Variants in ZNF536 observed in about 807,000 individuals in gnomAD.
ZNF536 encodes the protein zinc finger protein 536.
In ZNF536, 13 loss-of-function variants were observed where a neutral mutation model predicts 84.5. The ratio of observed to expected loss-of-function variants is 0.15; its 90% confidence interval spans 0.10 to 0.24. ZNF536 has a LOEUF of 0.24. ZNF536 is among the 10% of genes least tolerant of loss of function. The probability of loss-of-function intolerance (pLI) is 1.00; values close to 1 mark genes in which losing one functional copy is unlikely to be tolerated. For synonymous variants in ZNF536, 811 were observed against 742.5 expected (o/e 1.09, Z -1.50); for missense variants, 1,536 against 1,747.5 (o/e 0.88, Z 2.16).
intron 1 of ZNF536, among the ~76,000 whole-genome samples, chr19:30,383,760 T>G: frequency 1.6e-4 from 1 of 6,384 alleles, no homozygotes; most frequent in South Asian, 2.3e-3. Context: ...TTTCTTTCTC[T>G]TTCTTTCTTT....
chr19:30,274,988 T>C (rs905967213), intron 1 of ZNF536, among the ~76,000 whole-genome samples: 4 of 152,222 alleles, frequency 2.6e-5, no homozygotes, highest in African/African-American at 7.2e-5. Flanking sequence ...TCTGGATTTT[T>C]CCCCCGTTTG....
chr19:30,335,264 C>A (rs947273925), intron 2 of ZNF536, among the ~76,000 whole-genome samples: 1 of 152,146 alleles, frequency 6.6e-6, no homozygotes, highest in Non-Finnish European at 1.5e-5. Flanking sequence ...CCTCTCGGAA[C>A]CTTAGTTTCC....
chr19:30,505,627 C>T (rs1388079302), intron 2 of ZNF536, among the ~76,000 whole-genome samples: 1 of 151,996 alleles, frequency 6.6e-6, no homozygotes, highest in African/African-American at 2.4e-5. Flanking sequence ...AACTATGACT[C>T]CTTTACTGTG....
chr19:30,348,967 C>T (rs773893657), intron 2 of ZNF536, among the ~76,000 whole-genome samples: 14 of 152,190 alleles, frequency 9.2e-5, no homozygotes, highest in East Asian at 1.9e-4. Flanking sequence ...TCCTGGCAAT[C>T]GTAATAATCT....
At chr19:30,387,141 G>T (rs1231905310) in intron 1 of ZNF536, among the ~76,000 whole-genome samples, 1 of 152,200 alleles carries the variant, frequency 6.6e-6, no homozygotes. Flanking sequence ...CTGAAGATCT[G>T]CCCTCACTCA....
intron 2 of ZNF536, among the ~76,000 whole-genome samples, chr19:30,319,155 G>A (rs980581327): frequency 6.6e-6 from 1 of 152,198 alleles, no homozygotes; most frequent in Non-Finnish European, 1.5e-5. Context: ...TGTATTCTGG[G>A]AGTTACAGGG....
At chr19:30,508,060 G>A (rs1463708393) in intron 2 of ZNF536, among the ~76,000 whole-genome samples, 2 of 152,178 alleles carry the variant, frequency 1.3e-5, no homozygotes, top group South Asian at 2.1e-4. Flanking sequence ...CCCAGAACTC[G>A]TTTTCCATGG....
intron 1 of ZNF536, among the ~76,000 whole-genome samples, chr19:30,272,720 C>G (rs2025920756): frequency 6.6e-6 from 1 of 152,158 alleles, no homozygotes; most frequent in Non-Finnish European, 1.5e-5. Flanking sequence ...TTTAAATTTT[C>G]TCCATGTCTT....
intron 1 of ZNF536, among the ~76,000 whole-genome samples, chr19:30,574,756 A>G (rs1004011373): frequency 3.9e-5 from 6 of 152,272 alleles, no homozygotes; most frequent in African/African-American, 1.4e-4. Flanking sequence ...GATCAAGTGT[A>G]TAGATCTATC....
Position 30,548,582 on chromosome 19 carries a change from C to A in ZNF536, c.2963C>A (p.Pro988Gln), listed in dbSNP as rs138241491. ...LSVRPDAASL[P>Q]GSSVTVQDSI... ...GTGCGGCCAGATGCCGCCTCCCTCC[C>A]GGGCTCCTCGGTAACTGTGCAGGAC... The change falls in exon 4 of 5, where the codon CCG (proline) becomes CAG (glutamine). Residue 988 changes from proline to glutamine, a missense_variant. By Grantham distance (76) the Pro-to-Gln change is moderately conservative. Around this residue, in one of 8 missense-constraint regions of ZNF536, gnomAD observed 624 missense variants for 603.1 expected, o/e 1.03. Coordinates refer to ENST00000355537, the MANE Select transcript of ZNF536 (RefSeq NM_014717.3). 1 of 1,614,138 alleles carries A rather than the reference C, an allele frequency of 6.2e-7. No homozygotes were observed. The highest frequency in any genetic ancestry group is 2.2e-5 in the East Asian group (1 of 44,860).
At chr19:30,696,381 C>G (rs1392707093) in intron 1 of ZNF536, among the ~76,000 whole-genome samples, 3 of 152,212 alleles carry the variant, frequency 2.0e-5, no homozygotes, top group African/African-American at 7.2e-5. Flanking sequence ...CACCCAGAGA[C>G]AAACTCTGGG....
Position 30,537,687 on chromosome 19 carries a change from T to C in ZNF536, c.2323+2688T>C, listed in dbSNP as rs552708465. On this transcript the variant is annotated intron_variant, in intron 3 of 4. Transcript: ENST00000355537. Reference sequence around the variant, plus strand: ...CTGGGAGAGAGCAAATGGTTATTGCTCTTCGCAGTTTTCAAGCTTGAGAAA... The same window carrying C: ...CTGGGAGAGAGCAAATGGTTATTGCCCTTCGCAGTTTTCAAGCTTGAGAAA... Among the ~76,000 whole-genome samples the C allele has an allele frequency of 3.3e-5, 5 of 152,338 alleles. No individual in the cohort carries two copies. The South Asian group carries it at 1.0e-3, about 32-fold the overall frequency.
chr19:30,653,923 G>A (rs1456311294), intron 1 of ZNF536, among the ~76,000 whole-genome samples: 1 of 152,182 alleles, frequency 6.6e-6, no homozygotes, highest in African/African-American at 2.4e-5. Flanking sequence ...GGAGTTTGCT[G>A]GAATGGAGAA....
chr19:30,569,316 T>G (rs1451223982), intron 1 of ZNF536, among the ~76,000 whole-genome samples: 2 of 152,148 alleles, frequency 1.3e-5, no homozygotes, highest in Non-Finnish European at 2.9e-5. Flanking sequence ...TGGGCTACCC[T>G]GGAGATGCAT....
intron 1 of ZNF536, among the ~76,000 whole-genome samples, chr19:30,441,979 G>A (rs137921452): frequency 7.0e-4 from 106 of 152,364 alleles, no homozygotes; most frequent in Admixed American, 1.1e-3. Flanking sequence ...CCACAGTTGA[G>A]CTCTGTCCCC....
intron 1 of ZNF536, among the ~76,000 whole-genome samples, chr19:30,691,527 T>G (rs1359543034): frequency 2.6e-5 from 4 of 152,046 alleles, no homozygotes; most frequent in Admixed American, 2.6e-4. Context: ...TTTGGGAAGG[T>G]TGTATGCTAA....
In ZNF536 at chr19:30,452,441, A is replaced by G. The variant is rs1051161610; in HGVS notation, c.2170+6709A>G. On this transcript the variant is annotated intron_variant, in intron 2 of 4. Coordinates refer to ENST00000355537, the MANE Select transcript of ZNF536 (RefSeq NM_014717.3). ...CCCACGTCTGCCCCTTCTCCCTGAG[A>G]AGTTTCTGGCAGGTAGCCCTGATGT... Among the ~76,000 whole-genome samples the G allele has an allele frequency of 2.0e-5, 3 of 152,186 alleles. No individual in the cohort carries two copies. The East Asian group carries it at 5.8e-4, about 29-fold the overall frequency.
rs529120638 is a variant in ZNF536 at position 30,364,061 on chromosome 19, A to G, written c.-3+11577A>G. Among the ~76,000 whole-genome samples the G allele has an allele frequency of 5.9e-5, 9 of 152,320 alleles. No individual in the cohort carries two copies. The South Asian group carries it at 1.5e-3, about 25-fold the overall frequency. ...AACTTAGGATACAGGTGTGAGATGT[A>G]TAGGATATAGCATAAGAGCAGGCAA... On this transcript the variant is annotated intron_variant, in intron 3 of 5. Transcript: ENST00000585628.
At chr19:30,483,934 G>A (rs1466128435) in intron 2 of ZNF536, among the ~76,000 whole-genome samples, 1 of 151,874 alleles carries the variant, frequency 6.6e-6, no homozygotes, top group Non-Finnish European at 1.5e-5. Flanking sequence ...CATTCCTCTG[G>A]GTCTCTGTGT....
Sources: allele counts gnomAD v4.1 joint callset (sites outside exome capture counted in the v4.1 genomes callset), GRCh38; gene constraint gnomAD v4.1.1; regional missense constraint gnomAD v4.1.1; transcripts MANE v1.5; gene names NCBI Gene and HGNC (gene_info 2026-07-23, HGNC 2026-07-21).